Variants in DENND2D observed in about 807,000 individuals in gnomAD.
DENND2D encodes the protein DENN domain containing 2D.
In DENND2D, 37 loss-of-function variants were observed where a neutral mutation model predicts 59.8. The observed-to-expected ratio is 0.62, with a 90% CI of 0.48 to 0.81. The LOEUF (loss-of-function observed/expected upper bound fraction) is 0.81, where lower values mean the gene tolerates loss of function less well. Among genes scored for constraint, DENND2D ranks in the 40% least tolerant of loss-of-function variants. The pLI is 0.00. For synonymous variants in DENND2D, 219 were observed against 211.3 expected, an observed-to-expected ratio of 1.04 and a Z score of -0.31; for missense variants, 525 against 579.7, an observed-to-expected ratio of 0.91 and a Z score of 0.97.
In DENND2D at chr1:111,189,235, A is replaced by G; in HGVS notation, c.991T>C (p.Cys331Arg). The G allele has an allele frequency of 6.2e-7, 1 of 1,614,180 alleles. No individual in the cohort carries two copies. Among genetic ancestry groups the G allele is most frequent in the Non-Finnish European group, 8.5e-7 (1 of 1,180,024 alleles). The change falls in exon 9 of 12, where the codon TGT (cysteine) becomes CGT (arginine). Residue 331 changes from cysteine (C) to arginine (R), a missense_variant. Physicochemically the swap from Cys to Arg is radical, Grantham distance 180 (BLOSUM62 -3). Transcript: ENST00000357640. ...PMEEVLLVNL[C>R]EGTFLMSVGD... Reference sequence around the variant, plus strand: ...ACCGACATTAAGAAGGTTCCTTCACAAAGATTGACCAGCAGGACCTGAAAT... The same window carrying G: ...ACCGACATTAAGAAGGTTCCTTCACGAAGATTGACCAGCAGGACCTGAAAT...
intron 7 of DENND2D, 35 bp downstream of exon 7, chr1:111,194,543 G>A (rs1302865865): frequency 6.2e-7 from 1 of 1,610,406 alleles, no homozygotes; most frequent in Non-Finnish European, 8.5e-7. Context: ...GGGATGCTGG[G>A]CAGTTCAGGT....
chr1:111,196,076 G>T lies in DENND2D; in HGVS notation c.505-20C>A. 6.3e-7 allele frequency: 1 copy of T among 1,591,616 alleles called. No individual in the cohort carries two copies. Among genetic ancestry groups the T allele is most frequent in the South Asian group, 1.1e-5 (1 of 87,668 alleles). On this transcript the variant is annotated intron_variant, in intron 5 of 11. Transcript: ENST00000357640. ...CAGGATCTGCAGGGAAAAGAACCAC[G>T]GGAGGCACGGCTCAAAGGGACACTA... is the stretch of plus-strand genomic sequence containing the variant.
chr1:111,201,248 C>T (rs1036542143), upstream of DENND2D: 5 of 152,188 alleles, frequency 3.3e-5, no homozygotes, highest in Admixed American at 1.3e-4. Context: ...GCCCAGAGTT[C>T]GTGATATTTT....
upstream of DENND2D, among the ~76,000 whole-genome samples, chr1:111,203,832 T>G (rs2494016): frequency 1 from 152,251 of 152,256 alleles, 76,123 homozygotes; most frequent in Middle Eastern, 1. Flanking sequence ...GGCTATCTGC[T>G]GGGCAGGGGC....
At position 111,200,603 on chromosome 1, in the gene DENND2D, G is replaced by C; in HGVS notation, c.-144C>G. On this transcript the variant is annotated 5_prime_UTR_variant, in exon 1 of 12. Coordinates refer to ENST00000357640, the MANE Select transcript of DENND2D (RefSeq NM_024901.5). ...CGCGCTGTCTTCCAGAGAGGGAATA[G>C]AAGTTTCCATCCTGTGCACCCAGTG... is the stretch of plus-strand genomic sequence containing the variant. 1 of 1,469,746 alleles carries C rather than the reference G, an allele frequency of 6.8e-7. No homozygotes were observed. Among genetic ancestry groups the C allele is most frequent in the Non-Finnish European group, 9.1e-7 (1 of 1,102,276 alleles). The allele number at this position is 1,469,746 out of a possible 1,614,324, so 91.0% of individuals were successfully genotyped here. A position where few individuals can be genotyped will look rare whatever the true frequency, so the allele number is the denominator to read the frequency against.
chr1:111,193,063 A>G (rs932068146), intron 7 of DENND2D, among the ~76,000 whole-genome samples: 1 of 152,140 alleles, frequency 6.6e-6, no homozygotes, highest in Admixed American at 6.5e-5. Context: ...TCTCGCCACC[A>G]CATACACACA....
chr1:111,202,897 A>C (rs1658950608), upstream of DENND2D, among the ~76,000 whole-genome samples: 1 of 151,722 alleles, frequency 6.6e-6, no homozygotes, highest in Non-Finnish European at 1.5e-5. Context: ...TCCTCCAGGC[A>C]CAATCAGGAA....
chr1:111,189,930 C>T (rs1398050553), intron 8 of DENND2D, among the ~76,000 whole-genome samples: 1 of 152,022 alleles, frequency 6.6e-6, no homozygotes, highest in African/African-American at 2.4e-5. Flanking sequence ...TTTGGGAGGC[C>T]GAGGCGGGTG....
intron 7 of DENND2D, among the ~76,000 whole-genome samples, 157 bp from the exon 8 acceptor site, chr1:111,192,474 G>A (rs779667258): frequency 3.3e-5 from 5 of 152,158 alleles, no homozygotes; most frequent in South Asian, 2.1e-4. Flanking sequence ...GAGCTTGAAC[G>A]TACATTGCTG....
intron 7 of DENND2D, among the ~76,000 whole-genome samples, chr1:111,192,740 A>C (rs184481929): frequency 1.3e-5 from 2 of 152,290 alleles, no homozygotes; most frequent in African/African-American, 4.8e-5. Context: ...GCTTTTAAGG[A>C]ATTCACAGTG....
intron 5 of DENND2D, 48 bp from the exon 6 acceptor site, chr1:111,196,104 A>C (rs765134718): frequency 1.9e-6 from 3 of 1,553,596 alleles, no homozygotes; most frequent in Non-Finnish European, 2.6e-6. Context: ...GGACACTACC[A>C]GGCAGGTGGA....
intron 8 of DENND2D, 54 bp from the exon 9 acceptor site, chr1:111,189,307 G>C: frequency 6.2e-7 from 1 of 1,600,500 alleles, no homozygotes; most frequent in Non-Finnish European, 8.6e-7. Flanking sequence ...TAGACCCCCA[G>C]AGGATTTACC....
At position 111,188,782 on chromosome 1, in the gene DENND2D, C is replaced by G; in HGVS notation, c.1019G>C (p.Gly340Ala). The G allele has an allele frequency of 6.2e-7, 1 of 1,613,958 alleles. No individual in the cohort carries two copies. The highest frequency in any genetic ancestry group is 8.5e-7 in the Non-Finnish European group (1 of 1,179,936). Residue 340 changes from glycine to alanine, a missense_variant, in exon 10 of 12, where the codon GGT becomes GCT. By Grantham distance (60) the Gly-to-Ala change is moderately conservative. Transcript: ENST00000357640. ...CGGTGGCAGGATGTCTTTTTCATCACCAACCTAGAAGAGGACAGAGCTCCG... is the reference window on the plus strand; with the variant it reads ...CGGTGGCAGGATGTCTTTTTCATCAGCAACCTAGAAGAGGACAGAGCTCCG... ...LCEGTFLMSV[G>A]DEKDILPPKL... is the part of the protein sequence containing the mutation.
rs754170528 is a variant in DENND2D at position 111,194,589 on chromosome 1, C to T, written c.783G>A (p.Ala261=). The T allele has an allele frequency of 1.1e-5, 17 of 1,613,740 alleles. No individual in the cohort carries two copies. Among genetic ancestry groups the T allele is most frequent in the Middle Eastern group, 1.7e-4 (1 of 5,960 alleles). Residue 261 remains alanine, a synonymous_variant, in exon 7 of 12, where the codon GCG becomes GCA. Transcript: ENST00000357640. Reference sequence around the variant, plus strand: ...GGGGCTGGGCCCACCTGAGACCTTCCGCCAGGAAGATGATTTTTCTCTCCA... The same window carrying T: ...GGGGCTGGGCCCACCTGAGACCTTCTGCCAGGAAGATGATTTTTCTCTCCA... ...AVLERKIIFL[A]EGLSTLSQCI...
At chr1:111,188,657 C>T in intron 10 of DENND2D, 45 bp downstream of exon 10, 1 of 1,511,048 alleles carries the variant, frequency 6.6e-7, no homozygotes, top group East Asian at 2.3e-5. Context: ...GAGAAGCATG[C>T]CCTTGCACTG....
At position 111,195,980 on chromosome 1, in the gene DENND2D, G is replaced by T; in HGVS notation, c.581C>A (p.Ala194Glu). ...AGTCTTCCCAGGAGCAGGGAAGGCTGCCTCTCGGAGGCCCTGCATGAACGG... is the reference window on the plus strand; with the variant it reads ...AGTCTTCCCAGGAGCAGGGAAGGCTTCCTCTCGGAGGCCCTGCATGAACGG... ...IYPFMQGLRE[A>E]AFPAPGKTVT... The change falls in exon 6 of 12, where the codon GCA becomes GAA. Residue 194 changes from alanine (A) to glutamate (E), a missense_variant. Transcript: ENST00000357640. 1.2e-6 allele frequency: 2 copies of T among 1,614,094 alleles called. No homozygotes were observed. The highest frequency in any genetic ancestry group is 1.7e-6 in the Non-Finnish European group (2 of 1,180,012).
Position 111,195,899 on chromosome 1 carries a change from C to A in DENND2D, c.645+17G>T. 1 of 1,613,900 alleles carries A rather than the reference C, an allele frequency of 6.2e-7. No individual in the cohort carries two copies. Among genetic ancestry groups the A allele is most frequent in the Non-Finnish European group, 8.5e-7 (1 of 1,179,962 alleles). On this transcript the variant is annotated intron_variant, in intron 6 of 11. Transcript: ENST00000357640. ...CCTCTCCAGCTAGGGAAGGTCTCAC[C>A]CATTTTGCTAACCCACCTCAGTGCC... is the stretch of plus-strand genomic sequence containing the variant.
intron 8 of DENND2D, among the ~76,000 whole-genome samples, chr1:111,190,024 T>C (rs2764554): frequency 0.015 from 2,186 of 150,222 alleles, 46 homozygotes; most frequent in African/African-American, 0.048. Context: ...ATCAGCCGGG[T>C]GTGGTGGCGG....
intron 4 of DENND2D, 92 bp downstream of exon 4, chr1:111,197,828 A>G: frequency 2.5e-6 from 4 of 1,584,954 alleles, no homozygotes; most frequent in Non-Finnish European, 3.4e-6. Context: ...GCTGCCAATA[A>G]GCCCGGAGTT....
Sources: gnomAD v4.1 joint callset for allele counts (sites outside exome capture counted in the v4.1 genomes callset) on GRCh38, gnomAD v4.1.1 for gene constraint, MANE v1.5 for transcripts, NCBI Gene and HGNC (gene_info 2026-07-23, HGNC 2026-07-21) for gene names.